Variants in DDX46 observed in about 807,000 individuals in gnomAD.
DDX46 encodes the protein probable ATP-dependent RNA helicase DDX46.
DDX46 carries 30 observed loss-of-function variants against 134.9 expected under a neutral mutation model. The ratio of observed to expected loss-of-function variants is 0.22; its 90% CI spans 0.17 to 0.30. The LOEUF (loss-of-function observed/expected upper bound fraction) is 0.30, where lower values mean the gene tolerates loss of function less well. DDX46 is among the 10% of genes least tolerant of loss of function. The pLI, the probability that DDX46 is intolerant of heterozygous loss-of-function variation, is 1.00. For synonymous variants in DDX46, 415 were observed against 404.1 expected (o/e 1.03, Z -0.32); for missense variants, 622 against 1,248.7 (o/e 0.50, Z 7.56).
chr5:134,773,405 G>T (rs111598967), intron 4 of DDX46, among the ~76,000 whole-genome samples: 1 of 152,146 alleles, frequency 6.6e-6, no homozygotes, highest in African/African-American at 2.4e-5. Context: ...TAAAGTTTAT[G>T]TGTGCATAAT....
At chr5:134,769,720 T>C (rs1221311681) in intron 3 of DDX46, among the ~76,000 whole-genome samples, 3 of 151,832 alleles carry the variant, frequency 2.0e-5, no homozygotes, top group African/African-American at 7.3e-5. Context: ...CTAATTTTTG[T>C]ACTTTTAGTA....
At chr5:134,777,327 T>A (rs1039564590) in intron 5 of DDX46, among the ~76,000 whole-genome samples, 1 of 152,230 alleles carries the variant, frequency 6.6e-6, no homozygotes, top group African/African-American at 2.4e-5. Context: ...CTTTTGACCC[T>A]TTTACAACCA....
intron 1 of DDX46, among the ~76,000 whole-genome samples, chr5:134,760,876 C>A (rs1753358818): frequency 6.6e-6 from 1 of 151,780 alleles, no homozygotes; most frequent in African/African-American, 2.4e-5. Flanking sequence ...ACTACAGGCG[C>A]CTGCCACCGC....
chr5:134,802,912 C>T (rs1199456696), intron 15 of DDX46, among the ~76,000 whole-genome samples: 2 of 152,100 alleles, frequency 1.3e-5, no homozygotes, highest in East Asian at 1.9e-4. Flanking sequence ...TGTGTGGTTT[C>T]CAAATAGGGC....
At chr5:134,771,125 T>A in intron 4 of DDX46, 126 bp downstream of exon 4, 1 of 553,972 alleles carries the variant, frequency 1.8e-6, no homozygotes. Context: ...TCTTTCTTTC[T>A]GTCTTTCTTT....
chr5:134,819,777 GC>G (rs989107965), intron 21 of DDX46, among the ~76,000 whole-genome samples: 1 of 151,662 alleles, frequency 6.6e-6, no homozygotes, highest in Non-Finnish European at 1.5e-5. Flanking sequence ...CAAGGGACCC[GC>G]CCCCACTCAG....
intron 11 of DDX46, among the ~76,000 whole-genome samples, chr5:134,786,598 G>A (rs1489174378): frequency 6.6e-6 from 1 of 152,034 alleles, no homozygotes; most frequent in Non-Finnish European, 1.5e-5. Flanking sequence ...TAATCCCAGC[G>A]CTTTGAGAGG....
In DDX46 at chr5:134,790,641, TCA is replaced by T. The variant is rs58808472; in HGVS notation, c.1626+99_1626+100del. On this transcript the variant is annotated intron_variant, in intron 13 of 22. Transcript: ENST00000452510. The stretch of plus-strand genomic sequence containing the variant: ...GAAATGTTCATGTGGTTTCTGAAAT[TCA>T]CACACACACTTTTCTGTTGCACGGT... 1.9e-4 allele frequency: 209 copies of T among 1,103,804 alleles called. 1 individual carries two copies. The African/African-American group carries it at 2.2e-3, about 12-fold the overall frequency. 68.4% of individuals were successfully genotyped at this position (1,103,804 alleles called of 1,614,324 possible).
At chr5:134,822,902 T>G (rs1274697163) in intron 21 of DDX46, among the ~76,000 whole-genome samples, 1 of 152,178 alleles carries the variant, frequency 6.6e-6, no homozygotes, top group Non-Finnish European at 1.5e-5. Context: ...TCATACATTC[T>G]GTATTCTTCA....
In DDX46 at chr5:134,764,051, G is replaced by A. The variant is rs1461718566; in HGVS notation, c.165G>A (p.Arg55=). The A allele has an allele frequency of 1.2e-6, 2 of 1,613,556 alleles. No homozygotes were observed. Among genetic ancestry groups the A allele is most frequent in the Non-Finnish European group, 1.7e-6 (2 of 1,179,830 alleles). The change falls in exon 2 of 23, where the codon AGG becomes AGA. Residue 55 remains arginine (R), a synonymous_variant. Coordinates refer to ENST00000452510, the MANE Select transcript of DDX46 (RefSeq NM_001300860.2). ...RDRRRERSRS[R]DKRRSRSRDR... ...GGAGGAGAGAGAGGTCTCGTAGCAG[G>A]GATAAAAGAAGATCTCGGTCAAGGG... is the stretch of plus-strand genomic sequence containing the variant.
chr5:134,828,070 G>A (rs1755637475), intron 22 of DDX46, among the ~76,000 whole-genome samples: 1 of 152,176 alleles, frequency 6.6e-6, no homozygotes, highest in Admixed American at 6.5e-5. Flanking sequence ...TTTGGAAAAA[G>A]CCCTTTACAG....
Position 134,828,828 on chromosome 5 carries a change from A to G in DDX46, c.*122A>G. ...ATTCTATCTTGCTGATTTTTTTTAA[A>G]TATAAGAAACTGGTACTTGGTAAAG... On this transcript the variant is annotated 3_prime_UTR_variant, in exon 23 of 23. Transcript: ENST00000452510. 3.0e-6 allele frequency: 2 copies of G among 673,586 alleles called. No homozygotes were observed. Among genetic ancestry groups the G allele is most frequent in the Non-Finnish European group, 4.3e-6 (2 of 464,662 alleles). 41.7% of individuals were successfully genotyped at this position (673,586 alleles called of 1,614,324 possible). A position where few individuals can be genotyped will look rare whatever the true frequency, so the allele number is the denominator to read the frequency against.
chr5:134,763,765 C>A, intron 1 of DDX46, 139 bp from the exon 2 acceptor site: 1 of 1,012,552 alleles, frequency 9.9e-7, no homozygotes, highest in African/African-American at 1.6e-5. Flanking sequence ...CATTTTTTCC[C>A]TCCTAATTTT....
intron 21 of DDX46, 129 bp downstream of exon 21, chr5:134,819,133 T>G (rs923599216): frequency 1.0e-6 from 1 of 987,436 alleles, no homozygotes; most frequent in Non-Finnish European, 1.4e-6. Flanking sequence ...GAAAACAAAA[T>G]CTTATGACAT....
At position 134,781,232 on chromosome 5, in the gene DDX46, C is replaced by A; in HGVS notation, c.865C>A (p.Gln289Lys). 6.2e-7 allele frequency: 1 copy of A among 1,601,406 alleles called. No individual in the cohort carries two copies. Among genetic ancestry groups the A allele is most frequent in the South Asian group, 1.1e-5 (1 of 88,160 alleles). Reference sequence around the variant, plus strand: ...GAAAGGTGAGCTGATGGAGAATGACCAGGATGCCATGGAGGTGATTTTTCT... The same window carrying A: ...GAAAGGTGAGCTGATGGAGAATGACAAGGATGCCATGGAGGTGATTTTTCT... ...KKKGELMENDQDAMEYSSEEE... is the reference protein window; with the variant it reads ...KKKGELMENDKDAMEYSSEEE... The change falls in exon 7 of 23, where the codon CAG becomes AAG. Residue 289 changes from glutamine to lysine, a missense_variant. By Grantham distance (53) the Gln-to-Lys change is moderately conservative. Around this residue, in one of 8 missense-constraint regions of DDX46, gnomAD observed 9 missense variants for 37.7 expected, o/e 0.24. Transcript: ENST00000452510.
chr5:134,821,019 G>C (rs1173595915), intron 21 of DDX46, among the ~76,000 whole-genome samples: 2 of 148,426 alleles, frequency 1.3e-5, no homozygotes, highest in African/African-American at 5.0e-5. Context: ...GTGCCCCCCC[G>C]CCACACCTAG....
At chr5:134,797,354 C>T (rs1754697765) in intron 15 of DDX46, among the ~76,000 whole-genome samples, 2 of 152,194 alleles carry the variant, frequency 1.3e-5, no homozygotes, top group South Asian at 4.1e-4. Context: ...CTATATATAT[C>T]TAGTCTCTGT....
At chr5:134,775,131 T>C (rs1314833837) in intron 5 of DDX46, among the ~76,000 whole-genome samples, 1 of 151,692 alleles carries the variant, frequency 6.6e-6, no homozygotes, top group Non-Finnish European at 1.5e-5. Flanking sequence ...ATTTTGTCAT[T>C]TTTTGAAGAG....
At chr5:134,760,056 T>C (rs1753329915) in intron 1 of DDX46, among the ~76,000 whole-genome samples, 1 of 152,230 alleles carries the variant, frequency 6.6e-6, no homozygotes, top group African/African-American at 2.4e-5. Flanking sequence ...ATTGATTCTC[T>C]GAATTGATTG....
Sources: allele counts gnomAD v4.1 joint callset (sites outside exome capture counted in the v4.1 genomes callset), GRCh38; gene constraint gnomAD v4.1.1; regional missense constraint gnomAD v4.1.1; transcripts MANE v1.5; gene names NCBI Gene and HGNC (gene_info 2026-07-23, HGNC 2026-07-21).